Variants in CFAP410 observed in about 807,000 individuals in gnomAD.
The protein encoded by CFAP410 is cilia and flagella associated protein 410.
Under a neutral mutation model 25.7 loss-of-function variants are expected in CFAP410, and 27 were observed. The ratio of observed to expected loss-of-function variants is 1.05; its 90% CI spans 0.77 to 1.45. The LOEUF is 1.45. Ranked by LOEUF, CFAP410 falls within the 40% of genes most tolerant of loss-of-function variation. CFAP410 has a pLI of 0.00. For missense variants in CFAP410, 428 were observed against 354.1 expected (o/e 1.21, Z -1.67); for synonymous variants, 178 against 158.4 (o/e 1.12, Z -0.93).
intron 3 of CFAP410, chr21:44,334,137 G>C (rs910017484): frequency 1.8e-5 from 8 of 456,182 alleles, no homozygotes; most frequent in Admixed American, 9.4e-5. Flanking sequence ...GTGATGTACC[G>C]ACCGCGTCCG....
chr21:44,335,640 C>G, intron 3 of CFAP410, 118 bp downstream of exon 3: 2 of 793,210 alleles, frequency 2.5e-6, no homozygotes, highest in Non-Finnish European at 4.2e-6. Flanking sequence ...GGAAGCCGCC[C>G]TCAGTCTGTG....
rs1185282060 is a variant in CFAP410 at position 44,335,540 on chromosome 21, G to A, written c.143+218C>T. ...GGCAGGCAGGGGACAGGAGCCATCA[G>A]GAGGCCCAGGTGAGGCTCTGAGGAA... is the stretch of plus-strand genomic sequence containing the variant. On this transcript the variant is annotated intron_variant, in intron 3 of 6. Coordinates refer to ENST00000339818, the MANE Select transcript of CFAP410 (RefSeq NM_004928.3). The A allele has an allele frequency of 5.0e-6, 3 of 594,514 alleles. No homozygotes were observed. The East Asian group carries it at 8.4e-5, about 17-fold the overall frequency. The allele number at this position is 594,514 out of a possible 1,614,324, so 36.8% of individuals were successfully genotyped here.
chr21:44,331,526 C>G (rs562350888), intron 5 of CFAP410: 1 of 383,434 alleles, frequency 2.6e-6, no homozygotes, highest in South Asian at 3.3e-5. Context: ...GGCCACCCCC[C>G]CCACCAGGGG....
rs1299220990 is a variant in CFAP410 at position 44,339,346 on chromosome 21, G to C, written c.-152C>G. The C allele has an allele frequency of 2.2e-6, 1 of 448,688 alleles. No individual in the cohort carries two copies. Among genetic ancestry groups the C allele is most frequent in the Non-Finnish European group, 3.8e-6 (1 of 262,340 alleles). 27.8% of individuals were successfully genotyped at this position (448,688 alleles called of 1,614,324 possible). On this transcript the variant is annotated 5_prime_UTR_variant, in exon 1 of 7. Transcript: ENST00000339818. Reference sequence around the variant, plus strand: ...GGCTCGGTGAGGAGAGCGGGGCGACGCGAGCCCGCTGGGGCCGCTTGGGCG... The same window carrying C: ...GGCTCGGTGAGGAGAGCGGGGCGACCCGAGCCCGCTGGGGCCGCTTGGGCG...
In CFAP410 at chr21:44,339,266, C is replaced by A; in HGVS notation, c.-72G>T. On this transcript the variant is annotated 5_prime_UTR_variant, in exon 1 of 7. Transcript: ENST00000339818. ...CCGGGCGGGTGACGACTGCGCGGCGCGTGTCTCCAGGGGCGGGGCCCGCGT... is the reference window on the plus strand; with the variant it reads ...CCGGGCGGGTGACGACTGCGCGGCGAGTGTCTCCAGGGGCGGGGCCCGCGT... 1 of 1,014,762 alleles carries A rather than the reference C, an allele frequency of 9.9e-7. No homozygotes were observed. Among genetic ancestry groups the A allele is most frequent in the Non-Finnish European group, 1.3e-6 (1 of 741,880 alleles). 62.9% of individuals were successfully genotyped at this position (1,014,762 alleles called of 1,614,324 possible).
At chr21:44,331,297 T>G in intron 5 of CFAP410, 1 of 303,204 alleles carries the variant, frequency 3.3e-6, no homozygotes, top group Non-Finnish European at 6.2e-6. Flanking sequence ...CACATCCCGA[T>G]GCCCCCACCA....
intron 3 of CFAP410, chr21:44,334,079 T>G (rs2047702873): frequency 2.2e-6 from 1 of 455,852 alleles, no homozygotes. Context: ...AAACTCCGGC[T>G]GTGGGACTCT....
chr21:44,331,528 C>A lies in CFAP410; in HGVS notation c.545+315G>T, dbSNP rs529643120. On this transcript the variant is annotated intron_variant, in intron 5 of 6. Coordinates refer to ENST00000339818, the MANE Select transcript of CFAP410 (RefSeq NM_004928.3). ...CACTGTGGCCCTAGGCCACCCCCCC[C>A]ACCAGGGGCTCCCTGCACCTCACGA... The A allele has an allele frequency of 1.4e-3, 530 of 386,856 alleles. 2 individuals are homozygous for A. Among genetic ancestry groups the A allele is most frequent in the Non-Finnish European group, 1.6e-3 (348 of 213,924 alleles). The allele number at this position is 386,856 out of a possible 1,614,324, so 24.0% of individuals were successfully genotyped here.
rs111434965 is a variant in CFAP410 at position 44,333,391 on chromosome 21, G to A, written c.144-129C>T. 0.021 allele frequency: 15,264 copies of A among 721,414 alleles called. 237 individuals are homozygous for A. The highest frequency in any genetic ancestry group is 0.028 in the Middle Eastern group (71 of 2,552). The allele number at this position is 721,414 out of a possible 1,614,324, so 44.7% of individuals were successfully genotyped here. A position where few individuals can be genotyped will look rare whatever the true frequency, so the allele number is the denominator to read the frequency against. ...TGCCCTCTCCTGAGAAGCCTAAATC[G>A]GATGTCACAAGTCACGTGCAGCAGG... is the stretch of plus-strand genomic sequence containing the variant. On this transcript the variant is annotated intron_variant, in intron 3 of 6. Coordinates refer to ENST00000339818, the MANE Select transcript of CFAP410 (RefSeq NM_004928.3).
chr21:44,334,391 T>C (rs2047709140), intron 3 of CFAP410: 1 of 409,308 alleles, frequency 2.4e-6, no homozygotes, highest in African/African-American at 2.1e-5. Flanking sequence ...AAGCTCCACG[T>C]TTCCCTGTCA....
intron 5 of CFAP410, chr21:44,331,282 G>A (rs997483659): frequency 7.4e-5 from 26 of 351,868 alleles, no homozygotes; most frequent in African/African-American, 4.6e-4. Context: ...ATGCCTAACA[G>A]AGATCACATC....
intron 2 of CFAP410, 145 bp from the exon 3 acceptor site, chr21:44,335,949 G>C: frequency 1.5e-6 from 1 of 648,556 alleles, no homozygotes; most frequent in African/African-American, 1.8e-5. Context: ...AGTGTGCCCA[G>C]GGTGAATGCC....
chr21:44,332,910 A>G (rs1180702613), intron 4 of CFAP410, 123 bp downstream of exon 4: 30 of 692,300 alleles, frequency 4.3e-5, no homozygotes, highest in East Asian at 4.1e-4. Context: ...GAGACTTCAC[A>G]GGACACATCT....
intron 3 of CFAP410, chr21:44,334,935 T>A (rs1333087058): frequency 6.5e-6 from 1 of 154,402 alleles, no homozygotes; most frequent in African/African-American, 2.4e-5. Context: ...GCCTGTGAGA[T>A]CAAGAAGGTA....
At chr21:44,330,639 G>A (rs1452530825) in intron 6 of CFAP410, 184 bp downstream of exon 6, 8 of 1,548,880 alleles carry the variant, frequency 5.2e-6, no homozygotes, top group South Asian at 1.2e-5. Flanking sequence ...CGTGTTACAC[G>A]TGTGTGCGCA....
At chr21:44,334,404 T>A (rs1166237451) in intron 3 of CFAP410, 5 of 392,046 alleles carry the variant, frequency 1.3e-5, no homozygotes, top group Non-Finnish European at 1.5e-5. Flanking sequence ...CCCTGTCAGG[T>A]AAGCCTTTCG....
chr21:44,337,606 G>C (rs915804577), intron 2 of CFAP410, 43 bp downstream of exon 2: 13 of 1,584,278 alleles, frequency 8.2e-6, no homozygotes, highest in Admixed American at 5.3e-5. Flanking sequence ...AGGCTATTTG[G>C]AGATGATCAG....
At chr21:44,330,513 G>A (rs1283764826) in intron 6 of CFAP410, 187 bp from the exon 7 acceptor site, 3 of 1,547,572 alleles carry the variant, frequency 1.9e-6, no homozygotes, top group Non-Finnish European at 2.6e-6. Flanking sequence ...GGACGCGTGT[G>A]TGGCACCTCT....
In CFAP410 at chr21:44,331,855, T is replaced by TC. The variant is rs1377556927; in HGVS notation, c.532dup (p.Glu178GlyfsTer11). ...CCTCCAGCCTCACGTTGCCTCCTCC[T>TC]CGCTGTCCAGCGGGTCCCGGCCAGT... On this transcript the variant is annotated frameshift_variant, in exon 5 of 7. Coordinates refer to ENST00000339818, the MANE Select transcript of CFAP410 (RefSeq NM_004928.3). LOFTEE classifies it high-confidence loss of function. 2 of 1,611,252 alleles carry TC rather than the reference T, an allele frequency of 1.2e-6. No homozygotes were observed.
Sources: allele counts gnomAD v4.1 joint callset, GRCh38; gene constraint gnomAD v4.1.1; transcripts MANE v1.5; gene names NCBI Gene and HGNC (gene_info 2026-07-23, HGNC 2026-07-21).